CORO7: variants seen among roughly 807,000 people sequenced by gnomAD.
The protein encoded by CORO7 is coronin 7.
Under a neutral mutation model 126.6 loss-of-function variants are expected in CORO7, and 107 were observed. The ratio of observed to expected loss-of-function variants is 0.85; its 90% CI spans 0.72 to 0.99. The LOEUF is 0.99. Ranked by LOEUF, CORO7 falls within the 50% of genes least tolerant of loss-of-function variation. The pLI is 0.00. For synonymous variants in CORO7, 603 were observed against 536.8 expected (o/e 1.12, Z -1.70); for missense variants, 1,314 against 1,255.8 (o/e 1.05, Z -0.70).
chr16:4,360,874 GGCCCCACCTCTCCACACTGCT>G (rs1567246437), intron 19 of CORO7, 48 bp downstream of exon 19: 5 of 342,364 alleles, frequency 1.5e-5, no homozygotes, highest in Non-Finnish European at 2.3e-5. Flanking sequence ...CCTCACTGCT[GGCCCCACCTCTCCACACTGCT>G]GGCCCCGCCT....
rs2054214247 is a variant in CORO7 at position 4,362,562 on chromosome 16, G to A, written c.1402+50C>T. 2 of 1,495,904 alleles carry A rather than the reference G, an allele frequency of 1.3e-6. No homozygotes were observed. The highest frequency in any genetic ancestry group is 2.4e-5 in the Admixed American group (1 of 42,498). The allele number at this position is 1,495,904 out of a possible 1,614,324, so 92.7% of individuals were successfully genotyped here. A position where few individuals can be genotyped will look rare whatever the true frequency, so the allele number is the denominator to read the frequency against. On this transcript the variant is annotated intron_variant, in intron 15 of 27. Transcript: ENST00000251166. The surrounding 1 kb of genome is among the most constrained non-coding windows in gnomAD (Gnocchi z 5.3). The stretch of plus-strand genomic sequence containing the variant: ...ACACAGGAGGATGACGGGGAGTGGG[G>A]CAGACAGGGCTCCTGCGGTAGGGGT...
intron 10 of CORO7, 133 bp downstream of exon 10, chr16:4,365,358 G>A: frequency 7.4e-7 from 1 of 1,343,720 alleles, no homozygotes; most frequent in African/African-American, 1.5e-5. Context: ...AGTGTTCTAG[G>A]AGAGCTACAG....
chr16:4,381,220 A>C, intron 9 of CORO7: 1 of 1,612,262 alleles, frequency 6.2e-7, no homozygotes, highest in Non-Finnish European at 8.5e-7. Context: ...GCTGCATGAA[A>C]TCACCAATGA....
At chr16:4,405,002 G>T (rs551226834) in intron 6 of CORO7, among the ~76,000 whole-genome samples, 3 of 152,012 alleles carry the variant, frequency 2.0e-5, no homozygotes, top group Non-Finnish European at 4.4e-5. Context: ...TCCTGGCCCC[G>T]ATCCCTGCCT....
intron 9 of CORO7, among the ~76,000 whole-genome samples, chr16:4,374,570 G>A (rs1173103976): frequency 6.6e-6 from 1 of 152,146 alleles, no homozygotes. Flanking sequence ...TGGGGCGGCC[G>A]CTGGGGCCCC....
chr16:4,370,225 A>G (rs1461706102), intron 9 of CORO7, among the ~76,000 whole-genome samples: 1 of 152,202 alleles, frequency 6.6e-6, no homozygotes, highest in Non-Finnish European at 1.5e-5. Flanking sequence ...CCAAGGGAAG[A>G]GGCAGGGAAA....
At chr16:4,371,585 A>C (rs561409571) in intron 9 of CORO7, among the ~76,000 whole-genome samples, 1 of 151,942 alleles carries the variant, frequency 6.6e-6, no homozygotes, top group African/African-American at 2.4e-5. Context: ...GACGCTTAGG[A>C]TTCCTAAATA....
At chr16:4,402,016 G>A (rs1016900352) in intron 6 of CORO7, among the ~76,000 whole-genome samples, 2 of 144,284 alleles carry the variant, frequency 1.4e-5, no homozygotes, top group African/African-American at 2.6e-5. Context: ...TCGGCTCACC[G>A]CAACCTCCAC....
chr16:4,358,293 T>A, intron 24 of CORO7, 74 bp downstream of exon 24: 1 of 1,561,558 alleles, frequency 6.4e-7, no homozygotes, highest in East Asian at 2.3e-5. Context: ...GGAAGCTGGG[T>A]CAGACGGGAC....
intron 26 of CORO7, 189 bp from the exon 27 acceptor site, chr16:4,355,561 C>A (rs970629639): frequency 4.9e-6 from 3 of 617,490 alleles, no homozygotes; most frequent in Admixed American, 5.8e-5. Context: ...CTCTGCCTCC[C>A]GGGTTTACAC....
intron 23 of CORO7, 50 bp from the exon 24 acceptor site, chr16:4,358,533 C>T (rs1233028067): frequency 4.6e-6 from 7 of 1,522,422 alleles, no homozygotes; most frequent in Admixed American, 2.0e-5. Context: ...GAGCTCATGG[C>T]TGGGCACGTA....
Position 4,365,411 on chromosome 16 carries a change from G to A in CORO7, c.840+80C>T, listed in dbSNP as rs145011261. ...GGGAAGACACAGAGGCCCTGTTCGA[G>A]TTCCTCCTCTCTCTTGGGGAAGGCC... On this transcript the variant is annotated intron_variant, in intron 10 of 27. Coordinates refer to ENST00000251166, the MANE Select transcript of CORO7 (RefSeq NM_024535.5). 43 of 1,538,494 alleles carry A rather than the reference G, an allele frequency of 2.8e-5. 1 individual carries two copies. The South Asian group carries it at 4.2e-4, about 15-fold the overall frequency.
intron 9 of CORO7, among the ~76,000 whole-genome samples, chr16:4,383,729 A>T (rs935744196): frequency 6.6e-6 from 1 of 152,172 alleles, no homozygotes; most frequent in African/African-American, 2.4e-5. Context: ...CTGGCCTCGG[A>T]CAAGAACGGG....
intron 7 of CORO7, among the ~76,000 whole-genome samples, chr16:4,392,504 G>A (rs576821410): frequency 3.0e-4 from 45 of 152,348 alleles, no homozygotes; most frequent in African/African-American, 1.0e-3. Flanking sequence ...CTGAGGCAGG[G>A]CTCCAACAAG....
chr16:4,371,165 C>T (rs994168900), intron 9 of CORO7, among the ~76,000 whole-genome samples: 2 of 152,220 alleles, frequency 1.3e-5, no homozygotes, highest in African/African-American at 4.8e-5. Context: ...CGTGGGCAGA[C>T]CACCACTGCC....
At chr16:4,399,467 T>C (rs2055722581) in intron 6 of CORO7, among the ~76,000 whole-genome samples, 1 of 152,096 alleles carries the variant, frequency 6.6e-6, no homozygotes, top group South Asian at 2.1e-4. Flanking sequence ...ACACAGAAAG[T>C]GGAATGCCAA....
intron 9 of CORO7, among the ~76,000 whole-genome samples, chr16:4,378,709 G>A (rs1016634490): frequency 6.6e-6 from 1 of 152,084 alleles, no homozygotes; most frequent in African/African-American, 2.4e-5. Flanking sequence ...GGCCCTCCTG[G>A]GCTGTTCACT....
rs565660520 is a variant in CORO7, at chr16:4,392,117, C to A, written c.615+3172G>T. ...CTGGCCTGTCTGATGCACTGAGATTCCTAGAGGGCTCAATCCGGGGCCCCC... is the reference window on the plus strand; with the variant it reads ...CTGGCCTGTCTGATGCACTGAGATTACTAGAGGGCTCAATCCGGGGCCCCC... On this transcript the variant is annotated intron_variant, in intron 7 of 27. Transcript: ENST00000251166. 2.2e-4 allele frequency among the ~76,000 whole-genome samples: 33 copies of A among 152,296 alleles called. No homozygotes were observed. In the East Asian group the frequency reaches 5.6e-3, roughly 26 times the overall value.
intron 1 of CORO7, among the ~76,000 whole-genome samples, chr16:4,416,116 C>G (rs989408667): frequency 1.8e-4 from 27 of 152,222 alleles, no homozygotes; most frequent in Middle Eastern, 3.4e-3. Flanking sequence ...CCCCGGCTCC[C>G]GGCGAGGCCG....
Sources: gnomAD v4.1 joint callset for allele counts (sites outside exome capture counted in the v4.1 genomes callset) on GRCh38, gnomAD v4.1.1 for gene constraint, Gnocchi (gnomAD v3.1) non-coding constraint, MANE v1.5 for transcripts, NCBI Gene and HGNC (gene_info 2026-07-23, HGNC 2026-07-21) for gene names.